Variants in NUAK1 observed in about 807,000 individuals in gnomAD.
The protein encoded by NUAK1 is NUAK family kinase 1.
In NUAK1, 26 loss-of-function variants were observed where a neutral mutation model predicts 56.9. The ratio of observed to expected loss-of-function variants is 0.46; its 90% confidence interval spans 0.33 to 0.63. The LOEUF (loss-of-function observed/expected upper bound fraction) is 0.63, where lower values mean the gene tolerates loss of function less well. Ranked by LOEUF, NUAK1 falls within the 30% of genes least tolerant of loss-of-function variation. The pLI is 0.02. For missense variants in NUAK1, 727 were observed against 876.1 expected (o/e 0.83, Z 2.15); for synonymous variants, 337 against 336.0 (o/e 1.00, Z -0.03).
At position 106,138,444 on chromosome 12, in the gene NUAK1, C is replaced by G; in HGVS notation, c.210G>C (p.Lys70Asn). 1 of 1,612,626 alleles carries G rather than the reference C, an allele frequency of 6.2e-7. No individual in the cohort carries two copies. The highest frequency in any genetic ancestry group is 1.1e-5 in the South Asian group (1 of 91,000). ...GGCCAGAAAACCTCTCGGTGGCCCG[C>G]TTGACTTTGCCGTAGGTGCCTTTGC... ...TLGKGTYGKV[K>N]RATERFSGRV... is the part of the protein sequence containing the mutation. Residue 70 changes from lysine to asparagine, a missense_variant, in exon 1 of 7, where the codon AAG (lysine) becomes AAC (asparagine). Lys to Asn is a moderately conservative substitution (Grantham distance 94). Transcript: ENST00000261402. The surrounding 1 kb of genome is among the most constrained non-coding windows in gnomAD (Gnocchi z 5.0).
intron 6 of NUAK1, 60 bp downstream of exon 6, chr12:106,070,714 A>G (rs1592847648): frequency 6.3e-7 from 1 of 1,597,328 alleles, no homozygotes; most frequent in African/African-American, 1.3e-5. Flanking sequence ...AGAAAATAAG[A>G]GTTGGGTAAG....
At chr12:106,135,162 C>T (rs1387358044) in intron 1 of NUAK1, among the ~76,000 whole-genome samples, 5 of 152,218 alleles carry the variant, frequency 3.3e-5, no homozygotes, top group Non-Finnish European at 7.3e-5. Flanking sequence ...TTCAAAAAGT[C>T]ACATAGCTTG....
Position 106,138,356 on chromosome 12 carries a change from C to CA in NUAK1, c.240+57dup. ...CACAGACCCCCGCCTCGCACGCCCT[C>CA]AGTCCCCGGCCGCGTCCACCCAGCG... On this transcript the variant is annotated intron_variant, in intron 1 of 6. Transcript: ENST00000261402. This position sits in a 1 kb window ranked among gnomAD's most constrained non-coding sequence, Gnocchi z 5.0. 1 of 1,540,356 alleles carries CA rather than the reference C, an allele frequency of 6.5e-7. No individual in the cohort carries two copies. Among genetic ancestry groups the CA allele is most frequent in the Non-Finnish European group, 8.7e-7 (1 of 1,150,364 alleles).
intron 2 of NUAK1, among the ~76,000 whole-genome samples, chr12:106,103,924 G>A (rs2032773842): frequency 6.6e-6 from 1 of 152,106 alleles, no homozygotes; most frequent in Non-Finnish European, 1.5e-5. Flanking sequence ...TAAGTTTCCT[G>A]AGGCCTCCCC....
intron 2 of NUAK1, among the ~76,000 whole-genome samples, chr12:106,102,749 T>C (rs763258319): frequency 1.3e-5 from 2 of 152,182 alleles, no homozygotes; most frequent in Non-Finnish European, 2.9e-5. Context: ...ATTTTACAGA[T>C]GTGATTACTG....
At chr12:106,134,691 G>C (rs1350110011) in intron 1 of NUAK1, among the ~76,000 whole-genome samples, 1 of 152,222 alleles carries the variant, frequency 6.6e-6, no homozygotes, top group African/African-American at 2.4e-5. Flanking sequence ...TGTGTGGCCT[G>C]TAGGTCCAGG....
At chr12:106,092,016 C>T (rs75243443) in intron 2 of NUAK1, among the ~76,000 whole-genome samples, 5,604 of 151,634 alleles carry the variant, frequency 0.037, 209 homozygotes, top group Admixed American at 0.11. Context: ...GTCAACATAG[C>T]GAGACCTCAT....
At chr12:106,111,777 T>C (rs1044265021) in intron 1 of NUAK1, among the ~76,000 whole-genome samples, 15 of 151,938 alleles carry the variant, frequency 9.9e-5, no homozygotes, top group African/African-American at 3.1e-4. Flanking sequence ...CAATAATTAA[T>C]ATTTCTTAGG....
At chr12:106,082,176 G>T (rs907312062) in intron 4 of NUAK1, among the ~76,000 whole-genome samples, 1 of 152,172 alleles carries the variant, frequency 6.6e-6, no homozygotes, top group African/African-American at 2.4e-5. Flanking sequence ...TAACAGTTCA[G>T]AAAATACTCC....
intron 1 of NUAK1, among the ~76,000 whole-genome samples, chr12:106,132,773 C>T (rs2033092027): frequency 1.3e-5 from 2 of 152,200 alleles, no homozygotes; most frequent in Admixed American, 1.3e-4. Context: ...TTCTTATCTT[C>T]CCAACCTCAA....
Position 106,064,449 on chromosome 12 carries a change from C to A in NUAK1, c.*2353G>T, listed in dbSNP as rs2032312305. The A allele has an allele frequency of 6.6e-6, 1 of 152,288 alleles. No homozygotes were observed. The highest frequency in any genetic ancestry group is 1.5e-5 in the Non-Finnish European group (1 of 68,076). The allele number at this position is 152,288 out of a possible 1,614,324, so 9.4% of individuals were successfully genotyped here. Reference sequence around the variant, plus strand: ...TCTCTGCCTCTGAGTGGAGGACTTTCTCTGCCACAGTCCACTGGCTGAGTT... The same window carrying A: ...TCTCTGCCTCTGAGTGGAGGACTTTATCTGCCACAGTCCACTGGCTGAGTT... On this transcript the variant is annotated 3_prime_UTR_variant, in exon 7 of 7. Coordinates refer to ENST00000261402, the MANE Select transcript of NUAK1 (RefSeq NM_014840.3).
chr12:106,103,871 C>G (rs2032772957), intron 2 of NUAK1, among the ~76,000 whole-genome samples: 1 of 152,132 alleles, frequency 6.6e-6, no homozygotes, highest in Admixed American at 6.5e-5. Flanking sequence ...CTTCCTCTGT[C>G]CATGTGAAGA....
intron 2 of NUAK1, among the ~76,000 whole-genome samples, chr12:106,092,746 C>CATCT (rs1290017818): frequency 6.6e-6 from 1 of 152,116 alleles, no homozygotes; most frequent in African/African-American, 2.4e-5. Context: ...TTTTGATGCA[C>CATCT]ATCTGTACGC....
At chr12:106,081,214 G>A (rs1012057047) in intron 4 of NUAK1, among the ~76,000 whole-genome samples, 1 of 152,072 alleles carries the variant, frequency 6.6e-6, no homozygotes, top group African/African-American at 2.4e-5. Context: ...CAATAATTTA[G>A]TCCAGACTGA....
intron 1 of NUAK1, among the ~76,000 whole-genome samples, chr12:106,129,987 T>A (rs370482448): frequency 6.6e-6 from 1 of 151,608 alleles, no homozygotes; most frequent in Non-Finnish European, 1.5e-5. Context: ...CTTTTTTTTT[T>A]CTCTCTCTCT....
At chr12:106,105,267 C>T (rs370750873) in intron 2 of NUAK1, among the ~76,000 whole-genome samples, 6 of 152,144 alleles carry the variant, frequency 3.9e-5, no homozygotes, top group Non-Finnish European at 8.8e-5. Flanking sequence ...GTTCATTTTT[C>T]AGCCACATAT....
intron 4 of NUAK1, among the ~76,000 whole-genome samples, chr12:106,075,318 C>CACACACACACACAG (rs142856878): frequency 4.3e-4 from 63 of 146,846 alleles, no homozygotes; most frequent in East Asian, 2.8e-3. Context: ...CACACACACA[C>CACACACACACACAG]AGAGAGAGAG....
At chr12:106,093,846 G>T (rs1000059002) in intron 2 of NUAK1, among the ~76,000 whole-genome samples, 16 of 152,128 alleles carry the variant, frequency 1.1e-4, no homozygotes, top group Admixed American at 2.6e-4. Context: ...TCACACAGGT[G>T]GGAGTGCAGT....
intron 4 of NUAK1, among the ~76,000 whole-genome samples, chr12:106,083,605 A>G (rs1467828516): frequency 6.6e-6 from 1 of 152,232 alleles, no homozygotes; most frequent in Non-Finnish European, 1.5e-5. Flanking sequence ...CTTCCTGAGG[A>G]GAGACACTGT....
Sources: allele counts gnomAD v4.1 joint callset (sites outside exome capture counted in the v4.1 genomes callset), GRCh38; gene constraint gnomAD v4.1.1; non-coding constraint Gnocchi (gnomAD v3.1); transcripts MANE v1.5; gene names NCBI Gene and HGNC (gene_info 2026-07-23, HGNC 2026-07-21).